The following HOXD12 variants were observed in gnomAD, a reference collection of about 807,000 sequenced individuals.
HOXD12 encodes homeobox D12, also known as homeobox protein Hox-D12.
A neutral mutation model predicts 20.2 loss-of-function variants in HOXD12; 21 were observed. That is an observed-to-expected ratio of 1.04 (90% CI 0.74 to 1.50). The LOEUF is 1.50. Among genes scored for constraint, HOXD12 ranks in the 40% most tolerant of loss-of-function variants. The pLI is 0.00. For synonymous variants in HOXD12, 196 were observed against 168.8 expected (o/e 1.16, Z -1.25); for missense variants, 472 against 365.5 (o/e 1.29, Z -2.38).
rs1057357883 is a variant in HOXD12, at chr2:176,101,426, C to A, written c.*666C>A. On this transcript the variant is annotated 3_prime_UTR_variant, in exon 2 of 2. Transcript: ENST00000406506. ...TGGAGATATCTCGAAATGAGAAATG[C>A]GAAATAGGCTGGCCTATTTCCAGCT... Among the ~76,000 whole-genome samples, 1 of 151,620 alleles carries A rather than the reference C, an allele frequency of 6.6e-6. No individual in the cohort carries two copies. The highest frequency in any genetic ancestry group is 2.4e-5 in the African/African-American group (1 of 41,222).
chr2:176,100,307 C>A lies in HOXD12; in HGVS notation c.506C>A (p.Pro169Gln), dbSNP rs1689475292. Reference sequence around the variant, plus strand: ...GGCTTCAAGGACGACACCAAGGGCCCGCTCAACTTGAACATGACAGTGCAG... The same window carrying A: ...GGCTTCAAGGACGACACCAAGGGCCAGCTCAACTTGAACATGACAGTGCAG... ...APGFKDDTKGPLNLNMTVQAA... is the reference protein window; with the variant it reads ...APGFKDDTKGQLNLNMTVQAA... Residue 169 changes from proline (P) to glutamine (Q), a missense_variant, in exon 1 of 2, where the codon CCG becomes CAG. By Grantham distance (76) the Pro-to-Gln change is moderately conservative. Transcript: ENST00000406506. 1.2e-6 allele frequency: 2 copies of A among 1,612,524 alleles called. No homozygotes were observed. Among genetic ancestry groups the A allele is most frequent in the Admixed American group, 1.7e-5 (1 of 60,008 alleles).
intron 1 of HOXD12, 71 bp downstream of exon 1, chr2:176,100,446 G>C (rs756985698): frequency 6.3e-7 from 1 of 1,597,252 alleles, no homozygotes; most frequent in East Asian, 2.2e-5. Flanking sequence ...GAGAGTGTAA[G>C]GGGAGGTGAA....
chr2:176,100,082 C>T lies in HOXD12; in HGVS notation c.281C>T (p.Pro94Leu). The T allele has an allele frequency of 6.2e-7, 1 of 1,601,122 alleles. No individual in the cohort carries two copies. Among genetic ancestry groups the T allele is most frequent in the Non-Finnish European group, 8.5e-7 (1 of 1,175,460 alleles). The stretch of plus-strand genomic sequence containing the variant: ...CAGCCCCCAACAGCCAAAGACGGAC[C>T]CGAAGAGCAGGCTAAGTTCTATGCG... ...GLQPPTAKDG[P>L]EEQAKFYAPE... Residue 94 changes from proline (P) to leucine (L), a missense_variant, in exon 1 of 2, where the codon CCC becomes CTC. Physicochemically the swap from Pro to Leu is moderately conservative, Grantham distance 98 (BLOSUM62 -3). Transcript: ENST00000406506.
rs1689507111 is a variant in HOXD12 at position 176,102,125 on chromosome 2, C to T, written c.*1365C>T. ...GCCTTAATCTCAGTGAACCAAGCCT[C>T]CCCCTGCGAGCTCATTCCACTATCC... On this transcript the variant is annotated 3_prime_UTR_variant, in exon 2 of 2. Coordinates refer to ENST00000406506, the MANE Select transcript of HOXD12 (RefSeq NM_021193.4). Among the ~76,000 whole-genome samples, 1 of 151,310 alleles carries T rather than the reference C, an allele frequency of 6.6e-6. No homozygotes were observed. The highest frequency in any genetic ancestry group is 6.6e-5 in the Admixed American group (1 of 15,202).
Position 176,100,114 on chromosome 2 carries a change from G to A in HOXD12, c.313G>A (p.Ala105Thr). 6.2e-7 allele frequency: 1 copy of A among 1,609,286 alleles called. No individual in the cohort carries two copies. The highest frequency in any genetic ancestry group is 8.5e-7 in the Non-Finnish European group (1 of 1,179,172). Residue 105 changes from alanine to threonine, a missense_variant, in exon 1 of 2, where the codon GCG becomes ACG. Transcript: ENST00000406506. ...GCAGGCTAAGTTCTATGCGCCCGAAGCGGCCGCTGGGCCAGAGGAGCGCGG... is the reference window on the plus strand; with the variant it reads ...GCAGGCTAAGTTCTATGCGCCCGAAACGGCCGCTGGGCCAGAGGAGCGCGG... ...EEQAKFYAPEAAAGPEERGRT... is the reference protein window; with the variant it reads ...EEQAKFYAPETAAGPEERGRT...
At position 176,100,338 on chromosome 2, in the gene HOXD12, G is replaced by T; in HGVS notation, c.537G>T (p.Ala179=). 1.9e-6 allele frequency: 3 copies of T among 1,612,642 alleles called. No homozygotes were observed. In the South Asian group the frequency reaches 3.3e-5, roughly 18 times the overall value. Residue 179 remains alanine (A), a synonymous_variant, in exon 1 of 2, where the codon GCG becomes GCT. Transcript: ENST00000406506. The part of the protein sequence containing the change: ...PLNLNMTVQA[A]GVASCLRPSL... ...ACTTGAACATGACAGTGCAGGCGGC[G>T]GGCGTTGCCTCTTGCCTGCGACCTT...
In HOXD12 at chr2:176,100,608, T is replaced by C. The variant is rs754528726; in HGVS notation, c.661T>C (p.Phe221Leu). The C allele has an allele frequency of 1.9e-6, 3 of 1,613,300 alleles. No individual in the cohort carries two copies. The highest frequency in any genetic ancestry group is 1.7e-6 in the Non-Finnish European group (2 of 1,179,646). ...KQQIAELENE[F>L]LVNEFINRQK... ...GCAGATTGCGGAGTTGGAGAACGAA[T>C]TCCTCGTCAACGAATTCATCAACAG... The change falls in exon 2 of 2, where the codon TTC (phenylalanine) becomes CTC (leucine). Residue 221 changes from phenylalanine to leucine, a missense_variant. Coordinates refer to ENST00000406506, the MANE Select transcript of HOXD12 (RefSeq NM_021193.4).
At position 176,102,370 on chromosome 2, in the gene HOXD12, GCTAT is replaced by G. The variant is rs533460547; in HGVS notation, c.*1614_*1617del. Among the ~76,000 whole-genome samples the G allele has an allele frequency of 8.5e-5, 13 of 152,232 alleles. No homozygotes were observed. The South Asian group carries it at 2.1e-3, about 24-fold the overall frequency. ...TATTTAAACTAATTTCATTTTCTAG[GCTAT>G]CTAATAGTTATCATGCATGTTTTGT... On this transcript the variant is annotated 3_prime_UTR_variant, in exon 2 of 2. Coordinates refer to ENST00000406506, the MANE Select transcript of HOXD12 (RefSeq NM_021193.4).
chr2:176,100,715 G>A lies in HOXD12; in HGVS notation c.768G>A (p.Lys256=). 1 of 1,613,980 alleles carries A rather than the reference G, an allele frequency of 6.2e-7. No homozygotes were observed. Among genetic ancestry groups the A allele is most frequent in the Non-Finnish European group, 8.5e-7 (1 of 1,179,868 alleles). Reference sequence around the variant, plus strand: ...TCTGGTTCCAGAACAGGCGTATGAAGAAGAAGCGCGTGGTGCTTCGGGAGC... The same window carrying A: ...TCTGGTTCCAGAACAGGCGTATGAAAAAGAAGCGCGTGGTGCTTCGGGAGC... ...VKIWFQNRRM[K]KKRVVLREQA... is the part of the protein sequence containing the mutation. Residue 256 remains lysine (K), a synonymous_variant, in exon 2 of 2, where the codon AAG becomes AAA. Coordinates refer to ENST00000406506, the MANE Select transcript of HOXD12 (RefSeq NM_021193.4).
rs537037004 is a variant in HOXD12 at position 176,102,369 on chromosome 2, G to A, written c.*1609G>A. ...ATATTTAAACTAATTTCATTTTCTA[G>A]GCTATCTAATAGTTATCATGCATGT... On this transcript the variant is annotated 3_prime_UTR_variant, in exon 2 of 2. Coordinates refer to ENST00000406506, the MANE Select transcript of HOXD12 (RefSeq NM_021193.4). Among the ~76,000 whole-genome samples, 2 of 152,108 alleles carry A rather than the reference G, an allele frequency of 1.3e-5. No homozygotes were observed. The highest frequency in any genetic ancestry group is 2.9e-5 in the Non-Finnish European group (2 of 68,032).
Position 176,100,230 on chromosome 2 carries a change from T to TAACC in HOXD12, c.429_430insAACC (p.Arg144AsnfsTer96). The TAACC allele has an allele frequency of 6.2e-7, 1 of 1,612,184 alleles. No homozygotes were observed. On this transcript the variant is annotated frameshift_variant, in exon 1 of 2. Coordinates refer to ENST00000406506, the MANE Select transcript of HOXD12 (RefSeq NM_021193.4). LOFTEE classifies it high-confidence loss of function. ...CCAAGTATGACTACGCTGGTGTGGG[T>TAACC]CGTGCCACGCCGGGCTCCACGACCC...
In HOXD12 at chr2:176,100,242, G is replaced by T. The variant is rs373073649; in HGVS notation, c.441G>T (p.Pro147=). The change falls in exon 1 of 2, where the codon CCG becomes CCT. Residue 147 remains proline, a synonymous_variant. Coordinates refer to ENST00000406506, the MANE Select transcript of HOXD12 (RefSeq NM_021193.4). ...ACGCTGGTGTGGGTCGTGCCACGCC[G>T]GGCTCCACGACCCTGCTCCAGGGGG... ...YDYAGVGRAT[P]GSTTLLQGAP... 143 of 1,612,360 alleles carry T rather than the reference G, an allele frequency of 8.9e-5. 1 individual carries two copies. The highest frequency in any genetic ancestry group is 8.3e-4 in the Middle Eastern group (5 of 6,036).
chr2:176,100,075 G>C lies in HOXD12; in HGVS notation c.274G>C (p.Asp92His). The change falls in exon 1 of 2, where the codon GAC becomes CAC. Residue 92 changes from aspartate to histidine, a missense_variant. Coordinates refer to ENST00000406506, the MANE Select transcript of HOXD12 (RefSeq NM_021193.4). ...CGGCCTGCAGCCCCCAACAGCCAAAGACGGACCCGAAGAGCAGGCTAAGTT... is the reference window on the plus strand; with the variant it reads ...CGGCCTGCAGCCCCCAACAGCCAAACACGGACCCGAAGAGCAGGCTAAGTT... ...PLGLQPPTAK[D>H]GPEEQAKFYA... is the part of the protein sequence containing the mutation. The C allele has an allele frequency of 1.9e-6, 3 of 1,597,796 alleles. No individual in the cohort carries two copies. The highest frequency in any genetic ancestry group is 1.7e-4 in the Middle Eastern group (1 of 6,044).
At position 176,099,830 on chromosome 2, in the gene HOXD12, G is replaced by T. The variant is rs1689461190; in HGVS notation, c.29G>T (p.Gly10Val). The change falls in exon 1 of 2, where the codon GGC becomes GTC. Residue 10 changes from glycine to valine, a missense_variant. Transcript: ENST00000406506. ...TGTGAGCGCAGTCTCTACAGAGCGG[G>T]CTATGTGGGCTCGCTTCTGAATCTG... is the stretch of plus-strand genomic sequence containing the variant. Reference protein sequence around the residue: MCERSLYRAGYVGSLLNLQS... With the variant: MCERSLYRAVYVGSLLNLQS... 6.5e-7 allele frequency: 1 copy of T among 1,543,778 alleles called. No individual in the cohort carries two copies. The highest frequency in any genetic ancestry group is 8.7e-7 in the Non-Finnish European group (1 of 1,152,258).
In HOXD12 at chr2:176,102,043, G is replaced by A. The variant is rs1463655629; in HGVS notation, c.*1283G>A. Among the ~76,000 whole-genome samples, 1 of 152,192 alleles carries A rather than the reference G, an allele frequency of 6.6e-6. No individual in the cohort carries two copies. The highest frequency in any genetic ancestry group is 1.9e-4 in the East Asian group (1 of 5,194). On this transcript the variant is annotated 3_prime_UTR_variant, in exon 2 of 2. Transcript: ENST00000406506. ...CTGGGCCCTGCCAGGCTTGCCTCAT[G>A]GAGGCAGGGGTTCCCAAATGCCAGG...
In HOXD12 at chr2:176,100,807, G is replaced by A. The variant is rs560243651; in HGVS notation, c.*47G>A. 3.7e-5 allele frequency: 48 copies of A among 1,290,908 alleles called. No homozygotes were observed. The South Asian group carries it at 5.5e-4, about 15-fold the overall frequency. The allele number at this position is 1,290,908 out of a possible 1,614,324, so 80.0% of individuals were successfully genotyped here. A position where few individuals can be genotyped will look rare whatever the true frequency, so the allele number is the denominator to read the frequency against. On this transcript the variant is annotated 3_prime_UTR_variant, in exon 2 of 2. Coordinates refer to ENST00000406506, the MANE Select transcript of HOXD12 (RefSeq NM_021193.4). ...GGTTGGATCTGCCCTTTTGGACAGA[G>A]GCCTTGTTTGGGGAGGGGGATCTGG...
At position 176,100,631 on chromosome 2, in the gene HOXD12, C is replaced by T. The variant is rs200878101; in HGVS notation, c.684C>T (p.Asn228=). ...ENEFLVNEFI[N]RQKRKELSNR... ...AATTCCTCGTCAACGAATTCATCAA[C>T]AGGCAGAAACGCAAGGAATTGTCCA... Residue 228 remains asparagine, a synonymous_variant, in exon 2 of 2, where the codon AAC becomes AAT. Transcript: ENST00000406506. 6,235 of 1,613,616 alleles carry T rather than the reference C, an allele frequency of 3.9e-3. 61 individuals are homozygous for T. Among genetic ancestry groups the T allele is most frequent in the Middle Eastern group, 0.032 (195 of 6,062 alleles).
rs1689494691 is a variant in HOXD12, at chr2:176,101,506, T to G, written c.*746T>G. ...GAGATGGGATGAGAGAGACTGGGACTCCAGACAAGTGCCATCTCCAGACAA... is the reference window on the plus strand; with the variant it reads ...GAGATGGGATGAGAGAGACTGGGACGCCAGACAAGTGCCATCTCCAGACAA... On this transcript the variant is annotated 3_prime_UTR_variant, in exon 2 of 2. Coordinates refer to ENST00000406506, the MANE Select transcript of HOXD12 (RefSeq NM_021193.4). Among the ~76,000 whole-genome samples, 1 of 152,244 alleles carries G rather than the reference T, an allele frequency of 6.6e-6. No homozygotes were observed. The highest frequency in any genetic ancestry group is 3.4e-3 in the Middle Eastern group (1 of 294).
At position 176,102,162 on chromosome 2, in the gene HOXD12, C is replaced by G. The variant is rs1574947105; in HGVS notation, c.*1402C>G. ...TCATTCCACTATCCCTGCCTCTTCTCCCCTCTCCTTCTGACATGTAGCACT... is the reference window on the plus strand; with the variant it reads ...TCATTCCACTATCCCTGCCTCTTCTGCCCTCTCCTTCTGACATGTAGCACT... On this transcript the variant is annotated 3_prime_UTR_variant, in exon 2 of 2. Coordinates refer to ENST00000406506, the MANE Select transcript of HOXD12 (RefSeq NM_021193.4). Among the ~76,000 whole-genome samples, 1 of 60,810 alleles carries G rather than the reference C, an allele frequency of 1.6e-5. No homozygotes were observed. Among genetic ancestry groups the G allele is most frequent in the South Asian group, 3.6e-4 (1 of 2,804 alleles). The allele number at this position is 60,810 out of a possible 152,430, so 39.9% of individuals were successfully genotyped here. A position where few individuals can be genotyped will look rare whatever the true frequency, so the allele number is the denominator to read the frequency against.
Sources: allele counts gnomAD v4.1 joint callset (sites outside exome capture counted in the v4.1 genomes callset), GRCh38; gene constraint gnomAD v4.1.1; transcripts MANE v1.5; gene names NCBI Gene and HGNC (gene_info 2026-07-23, HGNC 2026-07-21).